KIF16B: variants seen among roughly 807,000 people sequenced by gnomAD.
KIF16B encodes kinesin family member 16B, also known as kinesin-like protein KIF16B.
In KIF16B, 98 loss-of-function variants were observed where a neutral mutation model predicts 156.3. The observed-to-expected ratio is 0.63, with a 90% CI of 0.53 to 0.74. The LOEUF is 0.74. Ranked by LOEUF, KIF16B falls within the 30% of genes least tolerant of loss-of-function variation. KIF16B has a pLI of 0.00. For synonymous variants in KIF16B, 564 were observed against 583.7 expected (o/e 0.97, Z 0.49); for missense variants, 1,421 against 1,606.5 (o/e 0.88, Z 1.97).
intron 1 of KIF16B, among the ~76,000 whole-genome samples, chr20:16,563,013 T>C (rs184683805): frequency 7.9e-4 from 120 of 152,380 alleles, no homozygotes; most frequent in Middle Eastern, 3.4e-3. Flanking sequence ...AACAATTACA[T>C]TGAAAGCATT....
intron 25 of KIF16B, among the ~76,000 whole-genome samples, chr20:16,295,225 C>A (rs892621433): frequency 2.0e-5 from 3 of 152,260 alleles, no homozygotes; most frequent in African/African-American, 7.2e-5. Context: ...CCGGGCCAGA[C>A]CATGGTGTCT....
intron 11 of KIF16B, 77 bp downstream of exon 11, chr20:16,497,536 G>T: frequency 2.6e-6 from 3 of 1,153,926 alleles, no homozygotes; most frequent in Non-Finnish European, 3.9e-6. Flanking sequence ...ATCTCAAACG[G>T]CAAGTCCTAA....
At chr20:16,443,260 T>G (rs934406696) in intron 12 of KIF16B, among the ~76,000 whole-genome samples, 20 of 152,308 alleles carry the variant, frequency 1.3e-4, no homozygotes, top group Admixed American at 1.0e-3. Context: ...CTGTTCAAAC[T>G]ACTGCTTATG....
intron 11 of KIF16B, among the ~76,000 whole-genome samples, chr20:16,494,672 A>T (rs902712881): frequency 7.9e-5 from 12 of 152,236 alleles, no homozygotes; most frequent in Non-Finnish European, 4.4e-5. Context: ...ACAACGTCCC[A>T]TTAAATGGAT....
At chr20:16,429,029 G>A (rs1175794511) in intron 13 of KIF16B, 25 bp from the exon 14 acceptor site, 2 of 1,588,972 alleles carry the variant, frequency 1.3e-6, no homozygotes, top group South Asian at 1.1e-5. Context: ...CAAGCAAAAT[G>A]TATTAGTAAG....
At chr20:16,273,585 G>T (rs753613198) in intron 25 of KIF16B, among the ~76,000 whole-genome samples, 174 bp from the exon 26 acceptor site, 2 of 151,994 alleles carry the variant, frequency 1.3e-5, no homozygotes, top group African/African-American at 4.8e-5. Context: ...GATCACTTGA[G>T]CCCAGGAGGT....
intron 25 of KIF16B, among the ~76,000 whole-genome samples, chr20:16,281,619 C>A (rs567423437): frequency 6.6e-6 from 1 of 152,236 alleles, no homozygotes; most frequent in East Asian, 1.9e-4. Context: ...AGGCTGGGTT[C>A]CCTTTCCAAC....
At chr20:16,475,204 A>G (rs1231584747) in intron 12 of KIF16B, among the ~76,000 whole-genome samples, 1 of 152,236 alleles carries the variant, frequency 6.6e-6, no homozygotes, top group Non-Finnish European at 1.5e-5. Flanking sequence ...TTATTTAACA[A>G]GCACTGACAT....
chr20:16,327,261 A>G (rs1490694407), intron 24 of KIF16B, among the ~76,000 whole-genome samples: 2 of 151,552 alleles, frequency 1.3e-5, no homozygotes, highest in Admixed American at 6.6e-5. Flanking sequence ...ATGAGGAAAC[A>G]TGATACAATG....
At chr20:16,410,365 A>G (rs2065924064) in intron 15 of KIF16B, among the ~76,000 whole-genome samples, 1 of 150,048 alleles carries the variant, frequency 6.7e-6, no homozygotes, top group Admixed American at 6.7e-5. Context: ...AGAGAGAGAG[A>G]CATATACATA....
At chr20:16,343,174 T>C (rs2064170957) in intron 23 of KIF16B, among the ~76,000 whole-genome samples, 1 of 152,266 alleles carries the variant, frequency 6.6e-6, no homozygotes, top group Non-Finnish European at 1.5e-5. Flanking sequence ...GTGGTTTCAC[T>C]GATACAAATC....
intron 17 of KIF16B, among the ~76,000 whole-genome samples, chr20:16,388,257 T>A (rs570725430): frequency 6.6e-6 from 1 of 152,358 alleles, no homozygotes; most frequent in East Asian, 1.9e-4. Flanking sequence ...CTGCTCACAC[T>A]GGATCATTTC....
intron 17 of KIF16B, among the ~76,000 whole-genome samples, chr20:16,402,777 G>T (rs765158588): frequency 1.3e-5 from 2 of 152,186 alleles, no homozygotes; most frequent in African/African-American, 2.4e-5. Context: ...CATGGTGCAG[G>T]CTGGGACTTT....
intron 23 of KIF16B, among the ~76,000 whole-genome samples, chr20:16,351,197 A>G (rs1054222015): frequency 6.6e-6 from 1 of 152,130 alleles, no homozygotes; most frequent in Admixed American, 6.5e-5. Flanking sequence ...TAAACACACC[A>G]GTGTTGGCTT....
chr20:16,557,417 T>A (rs2070892559), intron 1 of KIF16B, among the ~76,000 whole-genome samples: 1 of 152,108 alleles, frequency 6.6e-6, no homozygotes, highest in African/African-American at 2.4e-5. Context: ...TAATCTCAAG[T>A]GATCCACCTG....
At chr20:16,366,905 A>G in intron 22 of KIF16B, 1 of 1,215,584 alleles carries the variant, frequency 8.2e-7, no homozygotes, top group Non-Finnish European at 1.0e-6. Context: ...TACAAGCCTG[A>G]GTTTCAAGAA....
At chr20:16,374,478 A>G in intron 19 of KIF16B, 69 bp from the exon 20 acceptor site, 2 of 1,344,968 alleles carry the variant, frequency 1.5e-6, no homozygotes. Flanking sequence ...TGTGTGAGAC[A>G]TTGCTTTAGA....
At chr20:16,540,219 G>A (rs187000235) in intron 1 of KIF16B, among the ~76,000 whole-genome samples, 75 of 152,228 alleles carry the variant, frequency 4.9e-4, no homozygotes, top group Admixed American at 2.7e-3. Flanking sequence ...TAATATGCGC[G>A]TCTATGATTC....
At chr20:16,550,630 C>T (rs111433055) in intron 1 of KIF16B, among the ~76,000 whole-genome samples, 4 of 148,482 alleles carry the variant, frequency 2.7e-5, no homozygotes, top group African/African-American at 1.0e-4. Context: ...CCTCCCTAAG[C>T]TCAGATGATC....
Sources: allele counts gnomAD v4.1 joint callset (sites outside exome capture counted in the v4.1 genomes callset), GRCh38; gene constraint gnomAD v4.1.1; transcripts MANE v1.5; gene names NCBI Gene and HGNC (gene_info 2026-07-23, HGNC 2026-07-21).